The following CACNA2D3 variants were observed in gnomAD, a reference collection of about 807,000 sequenced individuals.
CACNA2D3 encodes the protein voltage-dependent calcium channel subunit alpha-2/delta-3.
In CACNA2D3, 60 loss-of-function variants were observed where a neutral mutation model predicts 160.6. The ratio of observed to expected loss-of-function variants is 0.37; its 90% CI spans 0.30 to 0.46. CACNA2D3 has a LOEUF of 0.46. Ranked by LOEUF, CACNA2D3 falls within the 20% of genes least tolerant of loss-of-function variation. CACNA2D3 has a pLI of 1.00. For synonymous variants in CACNA2D3, 558 were observed against 492.9 expected (o/e 1.13, Z -1.75); for missense variants, 1,205 against 1,365.0 (o/e 0.88, Z 1.85).
chr3:54,843,930 T>A (rs188675908), intron 16 of CACNA2D3, among the ~76,000 whole-genome samples: 1 of 152,264 alleles, frequency 6.6e-6, no homozygotes, highest in East Asian at 1.9e-4. Context: ...TGGGTGAGTC[T>A]GAGGTGCCAG....
At chr3:54,423,372 C>T (rs1271975087) in intron 4 of CACNA2D3, among the ~76,000 whole-genome samples, 1 of 152,200 alleles carries the variant, frequency 6.6e-6, no homozygotes, top group Non-Finnish European at 1.5e-5. Flanking sequence ...TGCAACCTGG[C>T]ATTTTTTAAT....
intron 3 of CACNA2D3, among the ~76,000 whole-genome samples, chr3:54,343,020 C>T (rs1698389312): frequency 6.6e-6 from 1 of 152,242 alleles, no homozygotes; most frequent in African/African-American, 2.4e-5. Context: ...CAGACACCCT[C>T]ACACACTGAA....
rs138386443 is a variant in CACNA2D3 at position 54,409,166 on chromosome 3, C to T, written c.381+22392C>T. ...CTGAGTTGAACAAGTTTACTGGTGC[C>T]GTTTTTTCCAACAGCACATGCTCAC... On this transcript the variant is annotated intron_variant, in intron 4 of 37. Transcript: ENST00000474759. Among the ~76,000 whole-genome samples, 349 of 152,220 alleles carry T rather than the reference C, an allele frequency of 2.3e-3. 1 individual carries two copies. Among genetic ancestry groups the T allele is most frequent in the Non-Finnish European group, 4.1e-3 (282 of 67,996 alleles).
intron 16 of CACNA2D3, among the ~76,000 whole-genome samples, chr3:54,839,610 T>G (rs543829970): frequency 6.6e-6 from 1 of 152,306 alleles, no homozygotes; most frequent in South Asian, 2.1e-4. Context: ...GGGTTCTCTT[T>G]GTCTCCATCT....
chr3:54,740,407 A>T (rs1701626551), intron 11 of CACNA2D3, among the ~76,000 whole-genome samples: 2 of 152,132 alleles, frequency 1.3e-5, no homozygotes, highest in African/African-American at 4.8e-5. Context: ...CTGCTCACTG[A>T]AGTCCTACCG....
chr3:54,778,203 C>G (rs906011129), intron 13 of CACNA2D3, among the ~76,000 whole-genome samples: 1 of 152,150 alleles, frequency 6.6e-6, no homozygotes, highest in African/African-American at 2.4e-5. Flanking sequence ...TGACCACTCA[C>G]TCACTGTGAG....
chr3:55,008,875 C>A (rs966529688), intron 33 of CACNA2D3, among the ~76,000 whole-genome samples: 3 of 95,680 alleles, frequency 3.1e-5, no homozygotes, highest in African/African-American at 1.0e-4. Context: ...GAAGTCTGTT[C>A]CACCTCCCTC....
At chr3:54,717,866 G>C (rs563630080) in intron 11 of CACNA2D3, among the ~76,000 whole-genome samples, 1 of 150,664 alleles carries the variant, frequency 6.6e-6, no homozygotes, top group Non-Finnish European at 1.5e-5. Context: ...ATGTGCGTGC[G>C]TGTGTGTGGT....
At chr3:54,811,475 T>TA (rs1559591342) in intron 13 of CACNA2D3, among the ~76,000 whole-genome samples, 2 of 5,116 alleles carry the variant, frequency 3.9e-4, no homozygotes, top group African/African-American at 2.3e-3. Context: ...CTTTTTTTTT[T>TA]TTTTTTTTTT....
intron 4 of CACNA2D3, among the ~76,000 whole-genome samples, chr3:54,387,735 G>A (rs961327643): frequency 3.9e-5 from 6 of 152,138 alleles, no homozygotes; most frequent in Admixed American, 3.3e-4. Flanking sequence ...ATCTAAATTG[G>A]CACTTTGAGT....
chr3:54,646,419 GC>G (rs60106949), intron 11 of CACNA2D3, among the ~76,000 whole-genome samples: 124,598 of 151,426 alleles, frequency 0.82, 53,239 homozygotes, highest in Non-Finnish European at 0.94. Context: ...CCACAAAGGT[GC>G]CCCAGTATGT....
intron 11 of CACNA2D3, among the ~76,000 whole-genome samples, chr3:54,685,070 T>A (rs903666144): frequency 6.6e-6 from 1 of 152,106 alleles, no homozygotes; most frequent in Non-Finnish European, 1.5e-5. Context: ...GAGACAAATA[T>A]GGAAAATGAC....
chr3:55,013,530 C>A (rs150527203), intron 34 of CACNA2D3, among the ~76,000 whole-genome samples: 69 of 152,298 alleles, frequency 4.5e-4, no homozygotes, highest in African/African-American at 1.7e-3. Context: ...GTTCCAGGCA[C>A]CATATGCTAT....
chr3:54,896,530 AT>A, intron 25 of CACNA2D3: 2 of 530,134 alleles, frequency 3.8e-6, no homozygotes, highest in East Asian at 6.2e-5. Flanking sequence ...AGGAAAAATC[AT>A]TTTACCCACT....
At chr3:54,147,386 A>G (rs1700051749) in intron 2 of CACNA2D3, among the ~76,000 whole-genome samples, 1 of 152,264 alleles carries the variant, frequency 6.6e-6, no homozygotes, top group Non-Finnish European at 1.5e-5. Flanking sequence ...GACGAAAGGA[A>G]TCAGAGGAGC....
chr3:54,618,714 C>T (rs965633237), intron 9 of CACNA2D3, among the ~76,000 whole-genome samples: 1 of 152,094 alleles, frequency 6.6e-6, no homozygotes, highest in Non-Finnish European at 1.5e-5. Context: ...CGCTGCTCCC[C>T]CAATCCTGGG....
chr3:54,437,779 C>G (rs4974369), intron 4 of CACNA2D3, among the ~76,000 whole-genome samples: 126,222 of 152,186 alleles, frequency 0.83, 52,535 homozygotes, highest in African/African-American at 0.87. Flanking sequence ...TGAACTCTTG[C>G]ATTTTTCTGG....
At position 54,478,711 on chromosome 3, in the gene CACNA2D3, C is replaced by G. The variant is rs1286809359; in HGVS notation, c.382-24781C>G. 5.2e-4 allele frequency among the ~76,000 whole-genome samples: 8 copies of G among 15,332 alleles called. No individual in the cohort carries two copies. The Admixed American group carries it at 7.1e-3, about 14-fold the overall frequency. The allele number at this position is 15,332 out of a possible 152,430, so 10.1% of individuals were successfully genotyped here. ...TCATTCTGAGCAGTGTGATGAATCT[C>G]GCATCTTCAATGTGCATCTTCCCTT... On this transcript the variant is annotated intron_variant, in intron 4 of 37. Coordinates refer to ENST00000474759, the MANE Select transcript of CACNA2D3 (RefSeq NM_018398.3).
chr3:54,765,717 T>C (rs771040196), intron 13 of CACNA2D3, among the ~76,000 whole-genome samples: 58 of 152,126 alleles, frequency 3.8e-4, no homozygotes, highest in Non-Finnish European at 7.5e-4. Context: ...GTTTCATCAA[T>C]TTAAAAAAAT....
Sources: allele counts gnomAD v4.1 joint callset (sites outside exome capture counted in the v4.1 genomes callset), GRCh38; gene constraint gnomAD v4.1.1; transcripts MANE v1.5; gene names NCBI Gene and HGNC (gene_info 2026-07-23, HGNC 2026-07-21).